Variants in CORIN observed in about 807,000 individuals in gnomAD.
CORIN encodes the protein atrial natriuretic peptide-converting enzyme.
A neutral mutation model predicts 125.3 loss-of-function variants in CORIN; 117 were observed. That is an observed-to-expected ratio of 0.93 (90% CI 0.80 to 1.09). The LOEUF (loss-of-function observed/expected upper bound fraction) is 1.09, where lower values mean the gene tolerates loss of function less well. Ranked by LOEUF, CORIN falls within the 50% of genes least tolerant of loss-of-function variation. CORIN has a pLI of 0.00. For missense variants in CORIN, 1,253 were observed against 1,306.7 expected, an observed-to-expected ratio of 0.96 and a Z score of 0.63; for synonymous variants, 450 against 466.4, an observed-to-expected ratio of 0.96 and a Z score of 0.45.
intron 19 of CORIN, among the ~76,000 whole-genome samples, chr4:47,611,393 C>G (rs952431479): frequency 1.3e-5 from 2 of 152,058 alleles, no homozygotes; most frequent in Non-Finnish European, 2.9e-5. Flanking sequence ...TGGCTCTGTG[C>G]TTGCCTGTTG....
At chr4:47,634,895 A>G (rs1332907757) in intron 16 of CORIN, among the ~76,000 whole-genome samples, 1 of 152,232 alleles carries the variant, frequency 6.6e-6, no homozygotes, top group East Asian at 1.9e-4. Flanking sequence ...TCCCAAAGGA[A>G]GGGAGGAATG....
chr4:47,637,726 G>C (rs1208973601), intron 16 of CORIN, among the ~76,000 whole-genome samples: 3 of 152,254 alleles, frequency 2.0e-5, no homozygotes, highest in Non-Finnish European at 4.4e-5. Flanking sequence ...TGGATGCCTA[G>C]GCAGAAGTTT....
At chr4:47,769,089 A>C (rs1296638017) in intron 3 of CORIN, among the ~76,000 whole-genome samples, 1 of 152,218 alleles carries the variant, frequency 6.6e-6, no homozygotes, top group East Asian at 1.9e-4. Flanking sequence ...TCCACAAGGA[A>C]ACCTGTTAGA....
chr4:47,645,033 G>A (rs1259210253), intron 14 of CORIN, 48 bp downstream of exon 14: 2 of 991,510 alleles, frequency 2.0e-6, no homozygotes, highest in Non-Finnish European at 1.6e-6. Context: ...GACTTAACTG[G>A]TGTTTAAAAT....
intron 2 of CORIN, among the ~76,000 whole-genome samples, chr4:47,789,486 AAG>A (rs1259578263): frequency 3.9e-5 from 6 of 152,220 alleles, no homozygotes; most frequent in Non-Finnish European, 8.8e-5. Context: ...AATAAAAAGA[AAG>A]ATAATATTTG....
rs1175712551 is a variant in CORIN at position 47,674,271 on chromosome 4, A to C, written c.1357+122T>G. ...CCACATGCGACCTTTTAAAAAGAAAAAGAAAATAGGTAGGCTTTTTTGGAG... is the reference window on the plus strand; with the variant it reads ...CCACATGCGACCTTTTAAAAAGAAACAGAAAATAGGTAGGCTTTTTTGGAG... On this transcript the variant is annotated intron_variant, in intron 10 of 21. Coordinates refer to ENST00000273857, the MANE Select transcript of CORIN (RefSeq NM_006587.4). 4.2e-6 allele frequency: 3 copies of C among 707,180 alleles called. No homozygotes were observed. In the African/African-American group the frequency reaches 5.4e-5, roughly 13 times the overall value. The allele number at this position is 707,180 out of a possible 1,614,324, so 43.8% of individuals were successfully genotyped here.
chr4:47,770,871 G>A (rs887274101), intron 3 of CORIN, among the ~76,000 whole-genome samples: 6 of 152,216 alleles, frequency 3.9e-5, no homozygotes, highest in African/African-American at 1.4e-4. Flanking sequence ...CCAGGGACTA[G>A]GGGTATAAGG....
At chr4:47,714,462 G>C (rs1433853263) in intron 5 of CORIN, among the ~76,000 whole-genome samples, 1 of 152,194 alleles carries the variant, frequency 6.6e-6, no homozygotes. Context: ...CAATGCTGGA[G>C]AGTAAACATG....
rs138148317 is a variant in CORIN, at chr4:47,692,907, A to G, written c.913+63T>C. The G allele has an allele frequency of 7.7e-4, 955 of 1,247,196 alleles. 5 individuals carry two copies. In the African/African-American group the frequency reaches 0.013, roughly 17 times the overall value. The allele number at this position is 1,247,196 out of a possible 1,614,324, so 77.3% of individuals were successfully genotyped here. A position where few individuals can be genotyped will look rare whatever the true frequency, so the allele number is the denominator to read the frequency against. ...CAAAAAGCAGTCTACACAAATGCTG[A>G]TGATTGTCAGGATTTGAGAATCCCT... On this transcript the variant is annotated intron_variant, in intron 6 of 21. Coordinates refer to ENST00000273857, the MANE Select transcript of CORIN (RefSeq NM_006587.4).
At chr4:47,622,185 T>C (rs1432808226) in intron 19 of CORIN, among the ~76,000 whole-genome samples, 2 of 151,972 alleles carry the variant, frequency 1.3e-5, no homozygotes, top group African/African-American at 4.8e-5. Context: ...GAACTCATCA[T>C]TTTTTATGGC....
At chr4:47,658,658 A>G (rs557826246) in intron 12 of CORIN, among the ~76,000 whole-genome samples, 83 of 152,352 alleles carry the variant, frequency 5.4e-4, no homozygotes, top group Admixed American at 5.2e-4. Flanking sequence ...AAAACCATTC[A>G]GTCCTCCTAG....
intron 1 of CORIN, among the ~76,000 whole-genome samples, chr4:47,829,467 G>C (rs1300446108): frequency 6.6e-6 from 1 of 152,196 alleles, no homozygotes; most frequent in Non-Finnish European, 1.5e-5. Context: ...TGTGAGTTAA[G>C]TGTTGTCCTG....
chr4:47,804,409 T>C (rs1011368064), intron 2 of CORIN, among the ~76,000 whole-genome samples: 3 of 152,140 alleles, frequency 2.0e-5, no homozygotes, highest in Non-Finnish European at 2.9e-5. Flanking sequence ...TGCATTTCCA[T>C]GTTTGTTGCA....
At chr4:47,686,563 T>G (rs1468797511) in intron 6 of CORIN, among the ~76,000 whole-genome samples, 2 of 152,212 alleles carry the variant, frequency 1.3e-5, no homozygotes, top group Non-Finnish European at 2.9e-5. Context: ...CTGGTTCTTC[T>G]GCCCACAGGG....
chr4:47,820,085 G>A (rs886841503), intron 1 of CORIN, among the ~76,000 whole-genome samples: 6 of 152,014 alleles, frequency 3.9e-5, no homozygotes, highest in African/African-American at 1.2e-4. Flanking sequence ...CTCCCCTCCC[G>A]ACACATTCTT....
rs16860608 is a variant in CORIN at position 47,699,231 on chromosome 4, A to C, written c.800-6148T>G. On this transcript the variant is annotated intron_variant, in intron 5 of 21. Coordinates refer to ENST00000273857, the MANE Select transcript of CORIN (RefSeq NM_006587.4). ...ATCAAGAATATACTTACAATCTAAA[A>C]ATGAATTCAATCTATGTCTTTCTGT... Among the ~76,000 whole-genome samples, 838 of 152,286 alleles carry C rather than the reference A, an allele frequency of 5.5e-3. 8 individuals are homozygous for C. Among genetic ancestry groups the C allele is most frequent in the African/African-American group, 0.019 (788 of 41,544 alleles).
At chr4:47,664,166 A>T (rs1212843066) in intron 11 of CORIN, among the ~76,000 whole-genome samples, 8 of 152,314 alleles carry the variant, frequency 5.3e-5, no homozygotes, top group Admixed American at 3.9e-4. Flanking sequence ...AGAGAGTAGC[A>T]ACTCACTTCT....
chr4:47,779,660 T>TCTTGAC lies in CORIN; in HGVS notation c.409+7059_409+7064dup, dbSNP rs527764769. 1.5e-3 allele frequency among the ~76,000 whole-genome samples: 223 copies of TCTTGAC among 152,226 alleles called. 2 individuals are homozygous for TCTTGAC. The South Asian group carries it at 0.019, about 13-fold the overall frequency. On this transcript the variant is annotated intron_variant, in intron 3 of 21. Coordinates refer to ENST00000273857, the MANE Select transcript of CORIN (RefSeq NM_006587.4). ...CATGTTGGTCAGGCTGGTCCCGAAC[T>TCTTGAC]CTTGACCTCAGGTGATCCACCTGCC...
rs981783924 is a variant in CORIN at position 47,706,361 on chromosome 4, G to GGTAA, written c.800-13282_800-13279dup. 5 of 1,591,226 alleles carry GGTAA rather than the reference G, an allele frequency of 3.1e-6. No individual in the cohort carries two copies. The African/African-American group carries it at 5.4e-5, about 17-fold the overall frequency. ...CCTTTCCGTCTGGCGGCAGCCATCAGGTAAGCCAAGATGGGTGCATACAAG... is the reference window on the plus strand; with the variant it reads ...CCTTTCCGTCTGGCGGCAGCCATCAGGTAAGTAAGCCAAGATGGGTGCATACAAG... On this transcript the variant is annotated intron_variant, in intron 5 of 21. Transcript: ENST00000273857.
Sources: gnomAD v4.1 joint callset for allele counts (sites outside exome capture counted in the v4.1 genomes callset) on GRCh38, gnomAD v4.1.1 for gene constraint, MANE v1.5 for transcripts, NCBI Gene and HGNC (gene_info 2026-07-23, HGNC 2026-07-21) for gene names.